Variants in SPAG1 observed in about 807,000 individuals in gnomAD.
SPAG1 encodes the protein sperm-associated antigen 1.
A neutral mutation model predicts 100.5 loss-of-function variants in SPAG1; 69 were observed. The ratio of observed to expected loss-of-function variants is 0.69; its 90% CI spans 0.57 to 0.84. SPAG1 has a LOEUF of 0.84. Among genes scored for constraint, SPAG1 ranks in the 40% least tolerant of loss-of-function variants. The probability of loss-of-function intolerance (pLI) is 0.00; values close to 1 mark genes in which losing one functional copy is unlikely to be tolerated. For missense variants in SPAG1, 955 were observed against 1,133.1 expected, an observed-to-expected ratio of 0.84 and a Z score of 2.26; for synonymous variants, 336 against 411.6, an observed-to-expected ratio of 0.82 and a Z score of 2.22.
intron 10 of SPAG1, among the ~76,000 whole-genome samples, chr8:100,210,591 C>G (rs1312592237): frequency 6.6e-6 from 1 of 152,158 alleles, no homozygotes; most frequent in Non-Finnish European, 1.5e-5. Context: ...ATTTCTGTGC[C>G]TACACTGTAG....
At chr8:100,211,807 G>A (rs1333061797) in intron 10 of SPAG1, among the ~76,000 whole-genome samples, 1 of 152,180 alleles carries the variant, frequency 6.6e-6, no homozygotes, top group African/African-American at 2.4e-5. Context: ...TAGGATTAAT[G>A]TGATCCATAT....
intron 10 of SPAG1, among the ~76,000 whole-genome samples, chr8:100,198,339 C>T (rs570978460): frequency 1.3e-5 from 2 of 151,644 alleles, no homozygotes; most frequent in South Asian, 2.1e-4. Context: ...GTATGTTAGG[C>T]GCCATAAAAA....
intron 3 of SPAG1, among the ~76,000 whole-genome samples, chr8:100,166,185 TTC>T (rs1815545888): frequency 6.6e-6 from 1 of 152,244 alleles, no homozygotes; most frequent in African/African-American, 2.4e-5. Flanking sequence ...TTAAATAATA[TTC>T]TGTCCTATTA....
At chr8:100,200,361 G>A (rs1289755248) in intron 10 of SPAG1, among the ~76,000 whole-genome samples, 6 of 152,208 alleles carry the variant, frequency 3.9e-5, no homozygotes, top group Non-Finnish European at 8.8e-5. Flanking sequence ...GGACATTTGG[G>A]TTGGTTCCAA....
chr8:100,174,062 A>C (rs983042363), intron 3 of SPAG1, among the ~76,000 whole-genome samples: 1 of 152,164 alleles, frequency 6.6e-6, no homozygotes, highest in Non-Finnish European at 1.5e-5. Context: ...AACTATGATA[A>C]ATATAGCTGA....
intron 1 of SPAG1, among the ~76,000 whole-genome samples, chr8:100,159,286 G>A (rs1815204774): frequency 6.6e-6 from 1 of 152,112 alleles, no homozygotes; most frequent in South Asian, 2.1e-4. Context: ...TACCCTTGAG[G>A]TTATCCTTGT....
intron 4 of SPAG1, 69 bp from the exon 5 acceptor site, chr8:100,183,306 T>A (rs531492129): frequency 3.1e-5 from 23 of 744,364 alleles, no homozygotes; most frequent in Admixed American, 3.0e-4. Context: ...TACTTTCCAT[T>A]GCATTTACAG....
chr8:100,213,980 T>C, intron 12 of SPAG1, 62 bp downstream of exon 12: 1 of 931,928 alleles, frequency 1.1e-6, no homozygotes. Context: ...GTGAATGCAA[T>C]ATCCAAGATC....
At chr8:100,174,930 C>T (rs545422672) in intron 3 of SPAG1, among the ~76,000 whole-genome samples, 1 of 149,164 alleles carries the variant, frequency 6.7e-6, no homozygotes, top group South Asian at 2.1e-4. Flanking sequence ...CGGACAACAT[C>T]TGGACAGTTT....
At chr8:100,219,882 C>T (rs1403733178) in intron 12 of SPAG1, among the ~76,000 whole-genome samples, 1 of 152,170 alleles carries the variant, frequency 6.6e-6, no homozygotes, top group Non-Finnish European at 1.5e-5. Context: ...TGTGATGCAA[C>T]TTTTATGGTT....
At chr8:100,195,571 T>A (rs1210402005) in intron 10 of SPAG1, among the ~76,000 whole-genome samples, 7 of 152,078 alleles carry the variant, frequency 4.6e-5, no homozygotes, top group African/African-American at 1.7e-4. Context: ...AACCAGTTTT[T>A]CAAGGATTCA....
intron 16 of SPAG1, among the ~76,000 whole-genome samples, chr8:100,238,878 C>G (rs1363228874): frequency 6.6e-6 from 1 of 152,166 alleles, no homozygotes; most frequent in Non-Finnish European, 1.5e-5. Flanking sequence ...TAAGTAGGAT[C>G]TTAAGTTTCA....
chr8:100,237,301 G>A (rs550866521), intron 16 of SPAG1, among the ~76,000 whole-genome samples: 5 of 152,156 alleles, frequency 3.3e-5, no homozygotes, highest in South Asian at 4.1e-4. Flanking sequence ...GGCTGGTCTC[G>A]AACTCTTGGC....
chr8:100,224,785 C>T (rs1346346655), intron 13 of SPAG1, among the ~76,000 whole-genome samples: 1 of 152,112 alleles, frequency 6.6e-6, no homozygotes, highest in Admixed American at 6.5e-5. Flanking sequence ...TACTTCTGAT[C>T]ATTCTCAAGA....
intron 3 of SPAG1, among the ~76,000 whole-genome samples, chr8:100,169,473 C>G (rs563958339): frequency 6.6e-6 from 1 of 152,232 alleles, no homozygotes; most frequent in Non-Finnish European, 1.5e-5. Flanking sequence ...AGCACAGTGG[C>G]TCACGCCTAT....
chr8:100,211,791 T>C (rs1473550623), intron 10 of SPAG1, among the ~76,000 whole-genome samples: 2 of 152,244 alleles, frequency 1.3e-5, no homozygotes, highest in African/African-American at 4.8e-5. Flanking sequence ...TGATAATACT[T>C]GGTATTAGGA....
In SPAG1 at chr8:100,213,444, C is replaced by T. The variant is rs148767962; in HGVS notation, c.1435+16C>T. The T allele has an allele frequency of 6.3e-4, 870 of 1,384,210 alleles. 7 individuals are homozygous for T. The African/African-American group carries it at 0.012, about 19-fold the overall frequency. The allele number at this position is 1,384,210 out of a possible 1,614,324, so 85.7% of individuals were successfully genotyped here. A position where few individuals can be genotyped will look rare whatever the true frequency, so the allele number is the denominator to read the frequency against. On this transcript the variant is annotated intron_variant, in intron 11 of 18. Transcript: ENST00000388798. ...GAGCCAGCAGGTAGGTGCGCCGCGC[C>T]CCGCCGCTTCCTGGGCCCCTCGCGC...
intron 12 of SPAG1, among the ~76,000 whole-genome samples, chr8:100,216,931 C>CTTTTTTTTTTT (rs141365826): frequency 1.2e-5 from 1 of 84,152 alleles, no homozygotes; most frequent in Non-Finnish European, 2.1e-5. Context: ...TCCATGAGTT[C>CTTTTTTTTTTT]TTTTTTTTTT....
At chr8:100,168,634 C>T (rs1356351408) in intron 3 of SPAG1, among the ~76,000 whole-genome samples, 1 of 140,958 alleles carries the variant, frequency 7.1e-6, no homozygotes, top group Non-Finnish European at 1.6e-5. Context: ...TCCTGGGCTG[C>T]TTTGGCCCCT....
Sources: gnomAD v4.1 joint callset for allele counts (sites outside exome capture counted in the v4.1 genomes callset) on GRCh38, gnomAD v4.1.1 for gene constraint, MANE v1.5 for transcripts, NCBI Gene and HGNC (gene_info 2026-07-23, HGNC 2026-07-21) for gene names.